KDM2B: variants seen among roughly 807,000 people sequenced by gnomAD.
The protein encoded by KDM2B is lysine demethylase 2B, also known as lysine-specific demethylase 2B.
Under a neutral mutation model 150.0 loss-of-function variants are expected in KDM2B, and 26 were observed. The ratio of observed to expected loss-of-function variants is 0.17; its 90% CI spans 0.13 to 0.24. KDM2B has a LOEUF of 0.24. Among genes scored for constraint, KDM2B ranks in the 10% least tolerant of loss-of-function variants. The pLI is 1.00. For synonymous variants in KDM2B, 734 were observed against 729.5 expected, an observed-to-expected ratio of 1.01 and a Z score of -0.10; for missense variants, 1,265 against 1,816.9, an observed-to-expected ratio of 0.70 and a Z score of 5.52.
chr12:121,494,329 C>A, intron 12 of KDM2B: 1 of 432,262 alleles, frequency 2.3e-6, no homozygotes, highest in East Asian at 4.4e-5. Context: ...CAGGGAAAGG[C>A]GAGGTGTCAG....
intron 4 of KDM2B, among the ~76,000 whole-genome samples, chr12:121,559,545 C>T (rs1890180051): frequency 6.6e-6 from 1 of 152,078 alleles, no homozygotes; most frequent in Admixed American, 6.6e-5. Flanking sequence ...GTGATAGCAA[C>T]AGAGGGGACC....
chr12:121,463,791 C>G (rs1879442943), intron 12 of KDM2B, among the ~76,000 whole-genome samples: 1 of 152,158 alleles, frequency 6.6e-6, no homozygotes. Context: ...GTTGCCCAGG[C>G]TGGTCCCAAA....
chr12:121,472,675 G>A (rs1359730987), intron 12 of KDM2B, among the ~76,000 whole-genome samples: 1 of 152,124 alleles, frequency 6.6e-6, no homozygotes, highest in Non-Finnish European at 1.5e-5. Context: ...AATTTAACAG[G>A]TGACTGGCAT....
chr12:121,416,316 C>T, the KDM2B span: 5 of 1,614,094 alleles, frequency 3.1e-6, no homozygotes, highest in Admixed American at 5.0e-5. Context: ...CCAGCAGCTA[C>T]GGAAGGGCCC....
chr12:121,498,778 T>G (rs1055063806), intron 11 of KDM2B, among the ~76,000 whole-genome samples: 10 of 152,138 alleles, frequency 6.6e-5, no homozygotes, highest in African/African-American at 2.4e-4. Context: ...CAGTTCTAAG[T>G]ACTAGACATA....
At chr12:121,497,430 G>C (rs1273247527) in intron 11 of KDM2B, among the ~76,000 whole-genome samples, 3 of 151,982 alleles carry the variant, frequency 2.0e-5, no homozygotes, top group Non-Finnish European at 4.4e-5. Flanking sequence ...TCAGCCTCCT[G>C]AGTAGCTAGG....
In KDM2B at chr12:121,452,669, A is replaced by G. The variant is rs1877496490; in HGVS notation, c.1959+451T>C. On this transcript the variant is annotated intron_variant, in intron 13 of 22. Transcript: ENST00000377071. This position sits in a 1 kb window ranked among gnomAD's most constrained non-coding sequence, Gnocchi z 4.4. Reference sequence around the variant, plus strand: ...CGGGGCCACTGCCGGAGCTGAGGCCAGGCGGTGTGGAGGGGCGGGCCAGGC... The same window carrying G: ...CGGGGCCACTGCCGGAGCTGAGGCCGGGCGGTGTGGAGGGGCGGGCCAGGC... Among the ~76,000 whole-genome samples, 2 of 152,230 alleles carry G rather than the reference A, an allele frequency of 1.3e-5. No individual in the cohort carries two copies. Among genetic ancestry groups the G allele is most frequent in the South Asian group, 4.1e-4 (2 of 4,834 alleles).
At chr12:121,543,253 G>T (rs1888746232) in intron 6 of KDM2B, among the ~76,000 whole-genome samples, 1 of 152,156 alleles carries the variant, frequency 6.6e-6, no homozygotes, top group Non-Finnish European at 1.5e-5. Flanking sequence ...CTACTTGGGA[G>T]GCTGATGCAG....
At chr12:121,463,199 T>TA (rs1555294071) in intron 12 of KDM2B, among the ~76,000 whole-genome samples, 1 of 151,596 alleles carries the variant, frequency 6.6e-6, no homozygotes, top group African/African-American at 2.4e-5. Flanking sequence ...CCTGTAGTCC[T>TA]AGCCACTCAG....
Position 121,430,273 on chromosome 12 carries a change from A to ATACT in KDM2B, c.*11_*14dup. Reference sequence around the variant, plus strand: ...CTCCCAGAGCCCGCCCCGTATTTACATACTTATCCTTGGACTAACTCAGTT... The same window carrying ATACT: ...CTCCCAGAGCCCGCCCCGTATTTACATACTTACTTATCCTTGGACTAACTCAGTT... On this transcript the variant is annotated 3_prime_UTR_variant, in exon 23 of 23. Transcript: ENST00000377071. The surrounding 1 kb of genome is among the most constrained non-coding windows in gnomAD (Gnocchi z 4.4). The ATACT allele has an allele frequency of 6.2e-7, 1 of 1,614,132 alleles. No individual in the cohort carries two copies. The highest frequency in any genetic ancestry group is 1.1e-5 in the South Asian group (1 of 91,088).
chr12:121,440,368 A>G, intron 21 of KDM2B: 1 of 464,946 alleles, frequency 2.2e-6, no homozygotes, highest in Non-Finnish European at 4.0e-6. Flanking sequence ...TCCGATCCCC[A>G]TGGCTTGGCG....
chr12:121,481,551 G>A (rs185835659), intron 12 of KDM2B, among the ~76,000 whole-genome samples: 7 of 149,750 alleles, frequency 4.7e-5, no homozygotes, highest in Non-Finnish European at 8.9e-5. Context: ...GGGTGGGGGC[G>A]GGGAATGACA....
the KDM2B span, among the ~76,000 whole-genome samples, chr12:121,409,982 C>A: frequency 6.6e-6 from 1 of 151,616 alleles, no homozygotes; most frequent in Non-Finnish European, 1.5e-5. Flanking sequence ...ATGGAGAAAC[C>A]CTGCCTCTAC....
chr12:121,464,389 C>T (rs546549247), intron 12 of KDM2B, among the ~76,000 whole-genome samples: 31 of 152,340 alleles, frequency 2.0e-4, no homozygotes, highest in African/African-American at 6.5e-4. Context: ...GGGTGCACAC[C>T]GGCAAAGAGC....
chr12:121,411,856 A>G, the KDM2B span, among the ~76,000 whole-genome samples: 1 of 152,214 alleles, frequency 6.6e-6, no homozygotes, highest in African/African-American at 2.4e-5. Flanking sequence ...CATTAGTAGG[A>G]AGCTAAACTT....
intron 1 of KDM2B, chr12:121,579,708 CCGCCCAG>C: frequency 7.0e-7 from 1 of 1,421,148 alleles, no homozygotes; most frequent in African/African-American, 1.4e-5. Flanking sequence ...CCTCCCTCCA[CCGCCCAG>C]CGCCCGGCCC....
chr12:121,425,770 T>C (rs1555284138), downstream of KDM2B, among the ~76,000 whole-genome samples: 2 of 94,582 alleles, frequency 2.1e-5, no homozygotes, highest in Non-Finnish European at 3.8e-5. Flanking sequence ...TTGTCTAAAC[T>C]TTTTTTTTTT....
chr12:121,481,909 G>C (rs1427145664), intron 12 of KDM2B, among the ~76,000 whole-genome samples: 1 of 152,108 alleles, frequency 6.6e-6, no homozygotes, highest in Non-Finnish European at 1.5e-5. Context: ...CTCCCAAGTA[G>C]CTGGGATTAC....
chr12:121,465,753 T>A (rs78289224), intron 12 of KDM2B, among the ~76,000 whole-genome samples: 2 of 152,242 alleles, frequency 1.3e-5, no homozygotes, highest in East Asian at 3.9e-4. Context: ...TGACACAGAA[T>A]ACTGACATCC....
Sources: gnomAD v4.1 joint callset for allele counts (sites outside exome capture counted in the v4.1 genomes callset) on GRCh38, gnomAD v4.1.1 for gene constraint, Gnocchi (gnomAD v3.1) non-coding constraint, MANE v1.5 for transcripts, NCBI Gene and HGNC (gene_info 2026-07-23, HGNC 2026-07-21) for gene names.